Variants in TRAF2 observed in about 807,000 individuals in gnomAD.
The protein encoded by TRAF2 is TNF receptor-associated factor 2.
Under a neutral mutation model 55.6 loss-of-function variants are expected in TRAF2, and 6 were observed. The observed-to-expected ratio is 0.11, with a 90% CI of 0.06 to 0.21. The LOEUF (loss-of-function observed/expected upper bound fraction) is 0.21, where lower values mean the gene tolerates loss of function less well. Among genes scored for constraint, TRAF2 ranks in the 10% least tolerant of loss-of-function variants. TRAF2 has a pLI of 1.00. For synonymous variants in TRAF2, 329 were observed against 276.3 expected (o/e 1.19, Z -1.89); for missense variants, 561 against 684.5 (o/e 0.82, Z 2.01).
intron 9 of TRAF2, among the ~76,000 whole-genome samples, chr9:136,921,711 A>C: frequency 1.3e-5 from 2 of 148,836 alleles, no homozygotes; most frequent in Non-Finnish European, 1.5e-5. Context: ...TTTTTTTTAA[A>C]CCCCAACTAT....
chr9:136,899,647 G>A lies in TRAF2; in HGVS notation c.242G>A (p.Gly81Asp), dbSNP rs920481977. The A allele has an allele frequency of 1.2e-6, 2 of 1,613,014 alleles. No homozygotes were observed. Among genetic ancestry groups the A allele is most frequent in the South Asian group, 2.2e-5 (2 of 91,046 alleles). The change falls in exon 3 of 11, where the codon GGC (glycine) becomes GAC (aspartate). Residue 81 changes from glycine (G) to aspartate (D), a missense_variant. This residue lies in a region of TRAF2 where 426 missense variants were observed against 476.8 expected (regional missense o/e 0.89). Transcript: ENST00000247668. ...GTTCACGAGGGCATATATGAAGAAG[G>A]CATTTCTATTTTAGAAAGCAGTTCG... ...ACVHEGIYEE[G>D]ISILESSSAF...
chr9:136,901,661 A>T (rs1221402950), intron 4 of TRAF2, among the ~76,000 whole-genome samples: 1 of 152,162 alleles, frequency 6.6e-6, no homozygotes, highest in Non-Finnish European at 1.5e-5. Context: ...ATGCCATCCA[A>T]TCCAGCCCCA....
chr9:136,924,608 G>T (rs1216000825), intron 10 of TRAF2, among the ~76,000 whole-genome samples: 2 of 152,086 alleles, frequency 1.3e-5, no homozygotes, highest in African/African-American at 4.8e-5. Context: ...CAAGTTTGGG[G>T]GTGCCCAGCT....
chr9:136,909,827 C>T, intron 5 of TRAF2, 93 bp from the exon 6 acceptor site: 1 of 1,352,488 alleles, frequency 7.4e-7, no homozygotes, highest in Non-Finnish European at 1.0e-6. Context: ...CCTGCGGCCC[C>T]TCGGCGCTGC....
intron 4 of TRAF2, among the ~76,000 whole-genome samples, chr9:136,903,359 TGGATGCGG>T (rs1181259171): frequency 6.6e-5 from 10 of 152,138 alleles, no homozygotes; most frequent in Non-Finnish European, 1.5e-4. Context: ...TTCTGGCAGC[TGGATGCGG>T]GGGTGCGGGG....
chr9:136,925,356 T>C (rs1225775856), intron 10 of TRAF2, among the ~76,000 whole-genome samples: 3 of 152,228 alleles, frequency 2.0e-5, no homozygotes, highest in South Asian at 2.1e-4. Context: ...GCCAGATGTG[T>C]TATTTTTTGC....
intron 2 of TRAF2, 80 bp from the exon 3 acceptor site, chr9:136,899,513 GT>G: frequency 7.3e-7 from 1 of 1,373,524 alleles, no homozygotes; most frequent in Non-Finnish European, 1.0e-6. Flanking sequence ...GTGGAGGTAG[GT>G]TTTTGAACTG....
chr9:136,911,007 G>A (rs1262722912), intron 6 of TRAF2, among the ~76,000 whole-genome samples: 2 of 152,238 alleles, frequency 1.3e-5, no homozygotes, highest in Non-Finnish European at 2.9e-5. Flanking sequence ...CTGTGAGGCT[G>A]TGTCCCCTGC....
rs565735107 is a variant in TRAF2, at chr9:136,919,558, G to T, written c.679-676G>T. On this transcript the variant is annotated intron_variant, in intron 7 of 10. Transcript: ENST00000247668. ...GATCCTCCCACCTTGGCCTCCCAAA[G>T]TGCTGGGATTACAGGCGGGAGCCAC... is the stretch of plus-strand genomic sequence containing the variant. Among the ~76,000 whole-genome samples the T allele has an allele frequency of 2.0e-5, 3 of 151,062 alleles. No individual in the cohort carries two copies. In the South Asian group the frequency reaches 6.3e-4, roughly 32 times the overall value.
At chr9:136,904,875 CAG>C (rs1849910790) in intron 4 of TRAF2, among the ~76,000 whole-genome samples, 1 of 152,104 alleles carries the variant, frequency 6.6e-6, no homozygotes, top group African/African-American at 2.4e-5. Flanking sequence ...CAGTGGGTAG[CAG>C]AGTGCAAGGC....
intron 7 of TRAF2, among the ~76,000 whole-genome samples, chr9:136,919,092 C>T (rs1208692431): frequency 9.0e-5 from 5 of 55,294 alleles, no homozygotes; most frequent in Admixed American, 2.9e-4. Context: ...CAGAGTCTCG[C>T]TCTGTTGGCC....
At position 136,918,245 on chromosome 9, in the gene TRAF2, A is replaced by ATT. The variant is rs1850288954; in HGVS notation, c.678+1631_678+1632insTT. On this transcript the variant is annotated intron_variant, in intron 7 of 10. Transcript: ENST00000247668. ...GTTTTGTTTATATATATATATATAT[A>ATT]TATATATATATATTTATTTAATTAA... 1.7e-4 allele frequency among the ~76,000 whole-genome samples: 8 copies of ATT among 45,776 alleles called. 1 individual carries two copies. Among genetic ancestry groups the ATT allele is most frequent in the African/African-American group, 1.3e-3 (8 of 6,070 alleles). The allele number at this position is 45,776 out of a possible 152,430, so 30.0% of individuals were successfully genotyped here.
At chr9:136,911,264 C>CTTTTTTTTTTTTTTTTTTTTTTTTT (rs34077067) in intron 6 of TRAF2, among the ~76,000 whole-genome samples, 2 of 122,566 alleles carry the variant, frequency 1.6e-5, no homozygotes, top group African/African-American at 6.3e-5. Context: ...TCCTTCCCGT[C>CTTTTTTTTTTTTTTTTTTTTTTTTT]TTTTTTTTTT....
Position 136,923,849 on chromosome 9 carries a change from C to T in TRAF2, c.1139-3C>T, listed in dbSNP as rs549123932. On this transcript the variant is annotated splice_region_variant and splice_polypyrimidine_tract_variant and intron_variant, in intron 9 of 10. Coordinates refer to ENST00000247668, the MANE Select transcript of TRAF2 (RefSeq NM_021138.4). Reference sequence around the variant, plus strand: ...TCACCAGGCACCCCTCCTGCCTCCCCAGCCTTCTACACCAGCAGGTACGGC... The same window carrying T: ...TCACCAGGCACCCCTCCTGCCTCCCTAGCCTTCTACACCAGCAGGTACGGC... 2 of 1,613,092 alleles carry T rather than the reference C, an allele frequency of 1.2e-6. No homozygotes were observed. Among genetic ancestry groups the T allele is most frequent in the South Asian group, 2.2e-5 (2 of 91,050 alleles).
At chr9:136,921,242 T>G (rs773883386) in intron 9 of TRAF2, 27 bp downstream of exon 9, 1 of 1,611,654 alleles carries the variant, frequency 6.2e-7, no homozygotes, top group Non-Finnish European at 8.5e-7. Flanking sequence ...CCCACCTCAC[T>G]GCAGCTGCTG....
rs1055346728 is a variant in TRAF2 at position 136,926,589 on chromosome 9, A to G, written c.*688A>G. Reference sequence around the variant, plus strand: ...CCATCCAGCTCACGAAGACAGAGTTATTAAACCATTCAAATCTCTGTGGTC... The same window carrying G: ...CCATCCAGCTCACGAAGACAGAGTTGTTAAACCATTCAAATCTCTGTGGTC... On this transcript the variant is annotated 3_prime_UTR_variant, in exon 11 of 11. Coordinates refer to ENST00000247668, the MANE Select transcript of TRAF2 (RefSeq NM_021138.4). 1 of 160,596 alleles carries G rather than the reference A, an allele frequency of 6.2e-6. No individual in the cohort carries two copies. Among genetic ancestry groups the G allele is most frequent in the Non-Finnish European group, 1.4e-5 (1 of 72,782 alleles). The allele number at this position is 160,596 out of a possible 1,614,324, so 9.9% of individuals were successfully genotyped here.
In TRAF2 at chr9:136,919,295, CTTTT is replaced by C. The variant is rs34390498; in HGVS notation, c.679-922_679-919del. The stretch of plus-strand genomic sequence containing the variant: ...AGGCTTCTCTGGAACTTGTGGGTGG[CTTTT>C]TTTTTTTTTTTTTTTTGAGACAGAG... On this transcript the variant is annotated intron_variant, in intron 7 of 10. Coordinates refer to ENST00000247668, the MANE Select transcript of TRAF2 (RefSeq NM_021138.4). Among the ~76,000 whole-genome samples the C allele has an allele frequency of 3.1e-4, 28 of 90,212 alleles. 2 individuals carry two copies. In the East Asian group the frequency reaches 5.2e-3, roughly 17 times the overall value. 59.2% of individuals were successfully genotyped at this position (90,212 alleles called of 152,430 possible).
chr9:136,903,365 CG>C (rs1379709216), intron 4 of TRAF2, among the ~76,000 whole-genome samples: 1 of 151,228 alleles, frequency 6.6e-6, no homozygotes, highest in African/African-American at 2.5e-5. Flanking sequence ...CAGCTGGATG[CG>C]GGGGTGCGGG....
At chr9:136,924,528 C>T (rs1172590291) in intron 10 of TRAF2, among the ~76,000 whole-genome samples, 2 of 151,892 alleles carry the variant, frequency 1.3e-5, no homozygotes, top group African/African-American at 4.8e-5. Context: ...CGCTACTGCA[C>T]TGCAGCCTGG....
Sources: gnomAD v4.1 joint callset for allele counts (sites outside exome capture counted in the v4.1 genomes callset) on GRCh38, gnomAD v4.1.1 for gene constraint, gnomAD v4.1.1 regional missense constraint, MANE v1.5 for transcripts, NCBI Gene and HGNC (gene_info 2026-07-23, HGNC 2026-07-21) for gene names.